DLGAP2: variants seen among roughly 807,000 people sequenced by gnomAD.
DLGAP2 encodes disks large-associated protein 2.
DLGAP2 carries 26 observed loss-of-function variants against 100.3 expected under a neutral mutation model. The ratio of observed to expected loss-of-function variants is 0.26; its 90% CI spans 0.19 to 0.36. The LOEUF is 0.36. DLGAP2 is among the 10% of genes least tolerant of loss of function. The probability of loss-of-function intolerance (pLI) is 1.00; values close to 1 mark genes in which losing one functional copy is unlikely to be tolerated. For missense variants in DLGAP2, 1,858 were observed against 1,453.2 expected, an observed-to-expected ratio of 1.28 and a Z score of -4.53; for synonymous variants, 886 against 630.1, an observed-to-expected ratio of 1.41 and a Z score of -6.08.
chr8:1,466,809 G>C (rs1158812989), intron 3 of DLGAP2, among the ~76,000 whole-genome samples: 1 of 152,148 alleles, frequency 6.6e-6, no homozygotes, highest in Non-Finnish European at 1.5e-5. Flanking sequence ...CTGTTTTCCA[G>C]GAAGTGGCCA....
chr8:1,044,149 C>A (rs758673935), intron 2 of DLGAP2, among the ~76,000 whole-genome samples: 3 of 152,154 alleles, frequency 2.0e-5, no homozygotes, highest in Non-Finnish European at 4.4e-5. Flanking sequence ...GTAACCCATC[C>A]CCTTACAGCC....
chr8:970,223 A>G lies in DLGAP2; in HGVS notation c.73+62257A>G, dbSNP rs1161737126. Among the ~76,000 whole-genome samples the G allele has an allele frequency of 2.6e-5, 4 of 152,222 alleles. No homozygotes were observed. In the South Asian group the frequency reaches 8.3e-4, roughly 32 times the overall value. The stretch of plus-strand genomic sequence containing the variant: ...TTCTTCATCATCTTATTTGGTGACA[A>G]TATTGTTACTGATAGAGTTATAAAA... On this transcript the variant is annotated intron_variant, in intron 2 of 14. Transcript: ENST00000637795.
At chr8:1,470,918 C>G (rs1164058067) in intron 3 of DLGAP2, among the ~76,000 whole-genome samples, 2 of 7,730 alleles carry the variant, frequency 2.6e-4, no homozygotes. Flanking sequence ...ACCCCTCCAG[C>G]CTTTCCCGAC....
intron 9 of DLGAP2, among the ~76,000 whole-genome samples, chr8:1,669,284 C>G (rs1425682791): frequency 1.3e-5 from 2 of 152,188 alleles, no homozygotes; most frequent in African/African-American, 2.4e-5. Context: ...AGATGTCTAC[C>G]CATGATATAG....
chr8:903,929 T>C (rs1798319646), intron 1 of DLGAP2, among the ~76,000 whole-genome samples: 1 of 152,190 alleles, frequency 6.6e-6, no homozygotes, highest in Admixed American at 6.5e-5. Context: ...TCTGTTCCCC[T>C]GGAGGGCGGA....
intron 8 of DLGAP2, among the ~76,000 whole-genome samples, chr8:1,657,634 C>G (rs1798314075): frequency 6.6e-6 from 1 of 152,128 alleles, no homozygotes; most frequent in Non-Finnish European, 1.5e-5. Context: ...TGTACAGGCA[C>G]AACAAATGTT....
intron 2 of DLGAP2, among the ~76,000 whole-genome samples, chr8:1,139,738 G>T (rs1467596361): frequency 2.6e-5 from 4 of 152,184 alleles, no homozygotes; most frequent in Non-Finnish European, 5.9e-5. Context: ...GACCTTCTTG[G>T]AGAGGGAGTG....
intron 2 of DLGAP2, among the ~76,000 whole-genome samples, chr8:1,109,103 C>G (rs375341885): frequency 1.2e-5 from 1 of 82,634 alleles, no homozygotes; most frequent in Non-Finnish European, 2.4e-5. Context: ...GAGGTGTGCA[C>G]GGGTCTGTGA....
In DLGAP2 at chr8:1,083,579, C is replaced by A. The variant is rs886385229; in HGVS notation, c.74-175272C>A. ...ATTTTAAGTATGAATTTAGTAACAA[C>A]CTTTTCCCTCATAATTATGCTAACT... On this transcript the variant is annotated intron_variant, in intron 2 of 14. Transcript: ENST00000637795. Among the ~76,000 whole-genome samples the A allele has an allele frequency of 3.3e-5, 5 of 152,166 alleles. No homozygotes were observed. The East Asian group carries it at 9.6e-4, about 29-fold the overall frequency.
intron 2 of DLGAP2, among the ~76,000 whole-genome samples, chr8:1,181,626 AG>A (rs1185396675): frequency 6.6e-6 from 1 of 152,248 alleles, no homozygotes; most frequent in South Asian, 2.1e-4. Context: ...CTATACAATA[AG>A]CCCCCACGAC....
intron 3 of DLGAP2, among the ~76,000 whole-genome samples, chr8:1,383,610 T>C (rs1796144475): frequency 6.6e-6 from 1 of 152,194 alleles, no homozygotes; most frequent in African/African-American, 2.4e-5. Flanking sequence ...GCTGCTTGAT[T>C]AACGACCAGA....
At chr8:1,614,568 G>T (rs1184714406) in intron 6 of DLGAP2, among the ~76,000 whole-genome samples, 1 of 152,120 alleles carries the variant, frequency 6.6e-6, no homozygotes, top group African/African-American at 2.4e-5. Flanking sequence ...GTGCCCACAC[G>T]AGCTCCGGGG....
At chr8:1,623,867 T>C (rs951989077) in intron 6 of DLGAP2, among the ~76,000 whole-genome samples, 3 of 152,258 alleles carry the variant, frequency 2.0e-5, no homozygotes, top group Non-Finnish European at 4.4e-5. Context: ...TGAGTCTATG[T>C]TTTAAAAAAA....
chr8:1,701,679 T>C lies in DLGAP2; in HGVS notation c.*273T>C, dbSNP rs1799576121. On this transcript the variant is annotated 3_prime_UTR_variant, in exon 15 of 15. Transcript: ENST00000637795. ...AGGGACAGGTGTGGCGAGACCTGAT[T>C]TCTCCTGCGTGTTCTCAGAGGACGG... 1 of 464,854 alleles carries C rather than the reference T, an allele frequency of 2.2e-6. No homozygotes were observed. The highest frequency in any genetic ancestry group is 2.0e-5 in the African/African-American group (1 of 48,836). The allele number at this position is 464,854 out of a possible 1,614,324, so 28.8% of individuals were successfully genotyped here.
chr8:912,359 C>A (rs939483826), intron 2 of DLGAP2, among the ~76,000 whole-genome samples: 2 of 152,134 alleles, frequency 1.3e-5, no homozygotes, highest in African/African-American at 2.4e-5. Context: ...GTGGAACTGA[C>A]GGTTGCTTAT....
chr8:925,309 G>A (rs1395005279), intron 2 of DLGAP2, among the ~76,000 whole-genome samples: 1 of 152,022 alleles, frequency 6.6e-6, no homozygotes, highest in East Asian at 1.9e-4. Context: ...TTTTGTAGAG[G>A]GGGTGTCTCC....
At chr8:1,198,457 C>T (rs1797801226) in intron 2 of DLGAP2, among the ~76,000 whole-genome samples, 1 of 152,012 alleles carries the variant, frequency 6.6e-6, no homozygotes, top group South Asian at 2.1e-4. Context: ...CTCCCACCCA[C>T]CTCTATAAGT....
At chr8:806,592 C>T (rs1321013806) in intron 1 of DLGAP2, among the ~76,000 whole-genome samples, 2 of 152,160 alleles carry the variant, frequency 1.3e-5, no homozygotes, top group African/African-American at 2.4e-5. Flanking sequence ...AACAGGTGTA[C>T]CCGGAACAGG....
At chr8:803,482 C>T (rs1273231640) in intron 1 of DLGAP2, among the ~76,000 whole-genome samples, 1 of 151,984 alleles carries the variant, frequency 6.6e-6, no homozygotes, top group Non-Finnish European at 1.5e-5. Context: ...CTGCTCCTGT[C>T]CATGGGGAAA....
Sources: gnomAD v4.1 joint callset for allele counts (sites outside exome capture counted in the v4.1 genomes callset) on GRCh38, gnomAD v4.1.1 for gene constraint, MANE v1.5 for transcripts, NCBI Gene and HGNC (gene_info 2026-07-23, HGNC 2026-07-21) for gene names.